Variants in PAPSS1 observed in about 807,000 individuals in gnomAD.
The protein encoded by PAPSS1 is bifunctional 3'-phosphoadenosine 5'-phosphosulfate synthase 1.
A neutral mutation model predicts 72.0 loss-of-function variants in PAPSS1; 50 were observed. The observed-to-expected ratio is 0.69, with a 90% confidence interval of 0.55 to 0.88. The LOEUF (loss-of-function observed/expected upper bound fraction) is 0.88, where lower values mean the gene tolerates loss of function less well. Ranked by LOEUF, PAPSS1 falls within the 40% of genes least tolerant of loss-of-function variation. The pLI, the probability that PAPSS1 is intolerant of heterozygous loss-of-function variation, is 0.00. For synonymous variants in PAPSS1, 261 were observed against 263.6 expected (o/e 0.99, Z 0.09); for missense variants, 657 against 782.2 (o/e 0.84, Z 1.91).
rs775467932 is a variant in PAPSS1 at position 107,614,298 on chromosome 4, T to C, written c.1826A>G (p.Lys609Arg). The C allele has an allele frequency of 1.2e-6, 2 of 1,614,018 alleles. No homozygotes were observed. The highest frequency in any genetic ancestry group is 8.5e-7 in the Non-Finnish European group (1 of 1,179,908). Residue 609 changes from lysine to arginine, a missense_variant, in exon 12 of 12, where the codon AAG becomes AGG. Physicochemically the swap from Lys to Arg is conservative, Grantham distance 26. Around this residue, in one of 7 missense-constraint regions of PAPSS1, gnomAD observed 103 missense variants for 93.8 expected, o/e 1.10. Transcript: ENST00000265174. The part of the protein sequence containing the change: ...QKPPEGFMAP[K>R]AWTVLTEYYK... ...GTATTCTGTCAGCACGGTCCAAGCC[T>C]TGGGAGCCATGAAACCTTCAGGTGG...
At chr4:107,642,274 T>C (rs1262756363) in intron 10 of PAPSS1, among the ~76,000 whole-genome samples, 1 of 152,134 alleles carries the variant, frequency 6.6e-6, no homozygotes, top group Non-Finnish European at 1.5e-5. Flanking sequence ...TTTAACGTTA[T>C]ATAATATTAA....
At chr4:107,717,238 T>C (rs1403026392) in intron 1 of PAPSS1, among the ~76,000 whole-genome samples, 2 of 152,232 alleles carry the variant, frequency 1.3e-5, no homozygotes, top group African/African-American at 2.4e-5. Context: ...TACTTTTTAA[T>C]GTGGTATCTA....
intron 1 of PAPSS1, among the ~76,000 whole-genome samples, chr4:107,708,349 G>T (rs1723393254): frequency 6.6e-6 from 1 of 152,128 alleles, no homozygotes; most frequent in African/African-American, 2.4e-5. Flanking sequence ...ATTGATACTG[G>T]CTAAGGAGGA....
intron 5 of PAPSS1, among the ~76,000 whole-genome samples, chr4:107,677,781 C>A (rs1393138883): frequency 6.6e-6 from 1 of 152,154 alleles, no homozygotes; most frequent in Admixed American, 6.5e-5. Flanking sequence ...GACTTGGAAC[C>A]AACCCAAATG....
intron 6 of PAPSS1, 91 bp downstream of exon 6, chr4:107,659,868 C>T (rs1291973054): frequency 3.0e-6 from 2 of 675,384 alleles, no homozygotes; most frequent in African/African-American, 1.9e-5. Flanking sequence ...AATACCACCC[C>T]TGGCCTCAAA....
At chr4:107,666,927 T>C (rs566518182) in intron 5 of PAPSS1, among the ~76,000 whole-genome samples, 2 of 152,240 alleles carry the variant, frequency 1.3e-5, no homozygotes, top group South Asian at 4.1e-4. Context: ...CCTAACACCC[T>C]TGAAATCCCC....
chr4:107,685,114 G>C lies in PAPSS1; in HGVS notation c.550+1925C>G, dbSNP rs140698327. On this transcript the variant is annotated intron_variant, in intron 4 of 11. Coordinates refer to ENST00000265174, the MANE Select transcript of PAPSS1 (RefSeq NM_005443.5). The stretch of plus-strand genomic sequence containing the variant: ...AGAGACGGGGTTTCACCGTGTTAGC[G>C]AGGATGGTCTCGAATCTCTTCAAAT... 2.1e-3 allele frequency among the ~76,000 whole-genome samples: 315 copies of C among 152,160 alleles called. 1 individual carries two copies. Among genetic ancestry groups the C allele is most frequent in the Non-Finnish European group, 3.7e-3 (250 of 68,010 alleles).
chr4:107,703,516 T>C (rs1723259163), intron 1 of PAPSS1, among the ~76,000 whole-genome samples: 1 of 152,190 alleles, frequency 6.6e-6, no homozygotes, highest in Non-Finnish European at 1.5e-5. Context: ...AATTTTTAAT[T>C]CACTTTGAGT....
chr4:107,634,851 G>A (rs955319464), intron 10 of PAPSS1, among the ~76,000 whole-genome samples: 1 of 141,634 alleles, frequency 7.1e-6, no homozygotes, highest in Non-Finnish European at 1.5e-5. Flanking sequence ...CCAGGCTGGA[G>A]TGCAGTGACG....
intron 3 of PAPSS1, among the ~76,000 whole-genome samples, chr4:107,691,965 A>T (rs1180476951): frequency 1.9e-5 from 2 of 103,758 alleles, no homozygotes; most frequent in African/African-American, 3.2e-5. Context: ...TATTTAATAA[A>T]TGGTGCTAGA....
intron 1 of PAPSS1, among the ~76,000 whole-genome samples, chr4:107,705,489 G>A (rs373526533): frequency 2.0e-4 from 30 of 152,268 alleles, no homozygotes; most frequent in East Asian, 1.9e-3. Context: ...TTCCTGGGGC[G>A]TCCCCAGTCA....
chr4:107,622,438 T>G (rs901536573), intron 11 of PAPSS1, among the ~76,000 whole-genome samples: 4 of 152,246 alleles, frequency 2.6e-5, no homozygotes, highest in Non-Finnish European at 5.9e-5. Context: ...CTATCATTCC[T>G]AGTATCAACC....
At chr4:107,637,500 A>T (rs1726419560) in intron 10 of PAPSS1, among the ~76,000 whole-genome samples, 1 of 152,178 alleles carries the variant, frequency 6.6e-6, no homozygotes, top group Non-Finnish European at 1.5e-5. Flanking sequence ...CGGTTGAGAA[A>T]TTTCACTGTT....
chr4:107,666,606 A>T (rs894883962), intron 5 of PAPSS1, among the ~76,000 whole-genome samples: 1 of 152,310 alleles, frequency 6.6e-6, no homozygotes, highest in Non-Finnish European at 1.5e-5. Flanking sequence ...CCATCATCCT[A>T]TATTACCCGT....
intron 10 of PAPSS1, among the ~76,000 whole-genome samples, chr4:107,636,641 A>AT (rs2110306142): frequency 6.6e-6 from 1 of 152,324 alleles, no homozygotes; most frequent in East Asian, 1.9e-4. Context: ...TGTACACCTG[A>AT]TTCACTGTGT....
At chr4:107,681,299 A>C (rs569704448) in intron 5 of PAPSS1, among the ~76,000 whole-genome samples, 1 of 152,282 alleles carries the variant, frequency 6.6e-6, no homozygotes, top group East Asian at 1.9e-4. Context: ...GTGACAGGGT[A>C]ATCACTGACC....
At chr4:107,668,532 G>A (rs1727381937) in intron 5 of PAPSS1, among the ~76,000 whole-genome samples, 1 of 152,138 alleles carries the variant, frequency 6.6e-6, no homozygotes, top group African/African-American at 2.4e-5. Context: ...TTCTTAATCT[G>A]GGTAGGCACC....
intron 5 of PAPSS1, among the ~76,000 whole-genome samples, chr4:107,665,818 G>A (rs1727300648): frequency 6.6e-6 from 1 of 152,158 alleles, no homozygotes; most frequent in African/African-American, 2.4e-5. Context: ...ACAGACAACT[G>A]TTTTTGTTTT....
chr4:107,718,804 AAGG>A (rs1204925701), intron 1 of PAPSS1, among the ~76,000 whole-genome samples: 3 of 152,252 alleles, frequency 2.0e-5, no homozygotes, highest in Admixed American at 2.0e-4. Context: ...GAAACACCTT[AAGG>A]TAAGAGAAGC....
Sources: allele counts gnomAD v4.1 joint callset (sites outside exome capture counted in the v4.1 genomes callset), GRCh38; gene constraint gnomAD v4.1.1; regional missense constraint gnomAD v4.1.1; transcripts MANE v1.5; gene names NCBI Gene and HGNC (gene_info 2026-07-23, HGNC 2026-07-21).